The following DCAF6 variants were observed in gnomAD, a reference collection of about 807,000 sequenced individuals.
The protein encoded by DCAF6 is DDB1 and CUL4 associated factor 6.
A neutral mutation model predicts 125.1 loss-of-function variants in DCAF6; 54 were observed. That is an observed-to-expected ratio of 0.43 (90% CI 0.35 to 0.54). The LOEUF (loss-of-function observed/expected upper bound fraction) is 0.54. DCAF6 is among the 20% of genes least tolerant of loss of function. The pLI is 0.01. For missense variants in DCAF6, 934 were observed against 1,161.7 expected, an observed-to-expected ratio of 0.80 and a Z score of 2.85; for synonymous variants, 371 against 390.4, an observed-to-expected ratio of 0.95 and a Z score of 0.58.
At chr1:167,974,493 A>G (rs1345196000) in intron 3 of DCAF6, among the ~76,000 whole-genome samples, 1 of 152,168 alleles carries the variant, frequency 6.6e-6, no homozygotes, top group East Asian at 1.9e-4. Flanking sequence ...ATCATTTAGC[A>G]TACAGTAAAT....
At chr1:167,884,410 T>A in the DCAF6 span, among the ~76,000 whole-genome samples, 27 of 152,190 alleles carry the variant, frequency 1.8e-4, no homozygotes, top group African/African-American at 6.5e-4. Flanking sequence ...AAGGGTATAA[T>A]CCACCCCTAT....
At chr1:167,945,955 G>GT (rs1238443018) in intron 1 of DCAF6, among the ~76,000 whole-genome samples, 11,989 of 123,828 alleles carry the variant, frequency 0.097, 774 homozygotes, top group African/African-American at 0.13. Flanking sequence ...AAATCTAAGG[G>GT]TTTTTTTTTT....
chr1:167,878,766 C>T, the DCAF6 span: 1 of 931,326 alleles, frequency 1.1e-6, no homozygotes, highest in South Asian at 1.5e-5. Context: ...ACACAGAAGC[C>T]TAGTCTCAAG....
chr1:167,878,706 T>G, the DCAF6 span: 155 of 1,476,842 alleles, frequency 1.0e-4, no homozygotes, highest in African/African-American at 1.9e-3. Context: ...TCTGAAACAT[T>G]GTCCCCAAAT....
At chr1:168,041,691 G>C (rs1193983028) in intron 13 of DCAF6, among the ~76,000 whole-genome samples, 1 of 151,758 alleles carries the variant, frequency 6.6e-6, no homozygotes, top group Non-Finnish European at 1.5e-5. Flanking sequence ...CTCGGTTGCT[G>C]TGTCTTTTCC....
chr1:167,988,142 C>G (rs1680279499), intron 5 of DCAF6, among the ~76,000 whole-genome samples: 1 of 148,320 alleles, frequency 6.7e-6, no homozygotes. Flanking sequence ...GTTTCTTATG[C>G]TTTAATACAA....
At chr1:168,072,649 C>G (rs969283062) in intron 21 of DCAF6, among the ~76,000 whole-genome samples, 2 of 152,068 alleles carry the variant, frequency 1.3e-5, no homozygotes, top group Non-Finnish European at 2.9e-5. Context: ...ACTGAGTATT[C>G]TGGTAAATAA....
chr1:167,880,277 G>C, the DCAF6 span: 168 of 1,276,838 alleles, frequency 1.3e-4, no homozygotes, highest in Middle Eastern at 1.9e-4. Context: ...ATAATGTCTG[G>C]GTTGGGAAAG....
At chr1:167,945,409 A>G (rs1411162588) in intron 1 of DCAF6, among the ~76,000 whole-genome samples, 1 of 151,982 alleles carries the variant, frequency 6.6e-6, no homozygotes, top group Non-Finnish European at 1.5e-5. Context: ...TGTGTTTTGT[A>G]GTTCTCCTTG....
chr1:167,970,622 T>C (rs1236948769), intron 3 of DCAF6, among the ~76,000 whole-genome samples: 1 of 143,396 alleles, frequency 7.0e-6, no homozygotes, highest in East Asian at 2.0e-4. Context: ...AGAGCTGATA[T>C]CTTAAAAAAA....
chr1:167,931,546 CTT>C (rs1204233929), upstream of DCAF6, among the ~76,000 whole-genome samples: 7 of 151,652 alleles, frequency 4.6e-5, no homozygotes, highest in South Asian at 2.1e-4. Flanking sequence ...TAAATATACA[CTT>C]AAGAATATAT....
At chr1:168,053,058 A>G (rs1690154622) in intron 17 of DCAF6, among the ~76,000 whole-genome samples, 1 of 152,170 alleles carries the variant, frequency 6.6e-6, no homozygotes. Flanking sequence ...AAGTCAGCGT[A>G]TCTTTACATA....
chr1:167,923,442 T>C, the DCAF6 span, among the ~76,000 whole-genome samples: 1 of 152,154 alleles, frequency 6.6e-6, no homozygotes, highest in Non-Finnish European at 1.5e-5. Flanking sequence ...ATAAGCCAAC[T>C]ACAAAAAGAC....
At chr1:167,925,334 A>G in the DCAF6 span, among the ~76,000 whole-genome samples, 1 of 151,230 alleles carries the variant, frequency 6.6e-6, no homozygotes, top group East Asian at 1.9e-4. Context: ...ATGTAGAATA[A>G]TAAATAAAAA....
chr1:167,920,453 T>C, the DCAF6 span: 1 of 1,301,768 alleles, frequency 7.7e-7, no homozygotes, highest in African/African-American at 1.5e-5. Context: ...TGTGGGTGTA[T>C]TTCAAACACT....
the DCAF6 span, among the ~76,000 whole-genome samples, chr1:167,915,949 G>A: frequency 6.6e-6 from 1 of 152,090 alleles, no homozygotes; most frequent in Non-Finnish European, 1.5e-5. Context: ...TGAAACCCAG[G>A]GCTGTCAGAC....
At chr1:167,899,730 C>T in the DCAF6 span, 1 of 1,091,152 alleles carries the variant, frequency 9.2e-7, no homozygotes, top group South Asian at 1.3e-5. Context: ...ACTATACTAT[C>T]TCAGAGCAAA....
the DCAF6 span, among the ~76,000 whole-genome samples, chr1:167,891,473 G>A: frequency 2.0e-5 from 3 of 151,460 alleles, no homozygotes; most frequent in Non-Finnish European, 4.4e-5. Context: ...TGGCTAACAC[G>A]GTGAAACCCT....
chr1:168,012,814 A>G (rs1346738644), intron 10 of DCAF6, among the ~76,000 whole-genome samples: 1 of 152,230 alleles, frequency 6.6e-6, no homozygotes, highest in Non-Finnish European at 1.5e-5. Context: ...GGAAATATTG[A>G]ATAAATGGTT....
Sources: allele counts gnomAD v4.1 joint callset (sites outside exome capture counted in the v4.1 genomes callset), GRCh38; gene constraint gnomAD v4.1.1; transcripts MANE v1.5; gene names NCBI Gene and HGNC (gene_info 2026-07-23, HGNC 2026-07-21).